The following ROBO1 variants were observed in gnomAD, a reference collection of about 807,000 sequenced individuals.
ROBO1 encodes the protein roundabout homolog 1.
Under a neutral mutation model 195.9 loss-of-function variants are expected in ROBO1, and 149 were observed. The observed-to-expected ratio is 0.76, with a 90% confidence interval of 0.67 to 0.87. The LOEUF is 0.87. Ranked by LOEUF, ROBO1 falls within the 40% of genes least tolerant of loss-of-function variation. The pLI is 0.00. For missense variants in ROBO1, 1,933 were observed against 2,068.3 expected (o/e 0.93, Z 1.27); for synonymous variants, 816 against 733.2 (o/e 1.11, Z -1.82).
chr3:78,800,984 T>C (rs2084353394), intron 4 of ROBO1, among the ~76,000 whole-genome samples: 1 of 152,192 alleles, frequency 6.6e-6, no homozygotes, highest in Non-Finnish European at 1.5e-5. Flanking sequence ...CTATGCTCTT[T>C]CACAGGCTGA....
At chr3:79,039,063 G>A (rs1249958408) in intron 3 of ROBO1, among the ~76,000 whole-genome samples, 3 of 152,154 alleles carry the variant, frequency 2.0e-5, no homozygotes, top group Non-Finnish European at 2.9e-5. Context: ...AAGGAAGAAC[G>A]ATGATTGAAG....
At chr3:78,975,518 C>T (rs2076867869) in intron 3 of ROBO1, among the ~76,000 whole-genome samples, 1 of 151,958 alleles carries the variant, frequency 6.6e-6, no homozygotes, top group South Asian at 2.1e-4. Context: ...TTGTGTAAAC[C>T]TGGGTGACCA....
At chr3:78,630,901 A>G (rs762212586) in intron 25 of ROBO1, among the ~76,000 whole-genome samples, 14 of 152,328 alleles carry the variant, frequency 9.2e-5, no homozygotes, top group Non-Finnish European at 1.9e-4. Flanking sequence ...ATACACACAC[A>G]GGATAGATAC....
chr3:79,214,623 A>G (rs1320374875), intron 2 of ROBO1, among the ~76,000 whole-genome samples: 1 of 151,996 alleles, frequency 6.6e-6, no homozygotes, highest in Non-Finnish European at 1.5e-5. Context: ...ACAAAAAACA[A>G]AAACACTTAG....
At chr3:79,497,895 A>G (rs1202508225) in intron 2 of ROBO1, among the ~76,000 whole-genome samples, 1 of 152,214 alleles carries the variant, frequency 6.6e-6, no homozygotes, top group Non-Finnish European at 1.5e-5. Flanking sequence ...AAAGTGTCTC[A>G]TAGCCATTAA....
intron 2 of ROBO1, among the ~76,000 whole-genome samples, chr3:79,337,993 T>A (rs1259270105): frequency 6.6e-6 from 1 of 152,214 alleles, no homozygotes; most frequent in African/African-American, 2.4e-5. Context: ...TGGGCTATTA[T>A]GCCAAATCAG....
intron 2 of ROBO1, among the ~76,000 whole-genome samples, chr3:79,286,049 A>C (rs1022528086): frequency 1.3e-5 from 2 of 152,230 alleles, no homozygotes; most frequent in Non-Finnish European, 2.9e-5. Flanking sequence ...TAAGTCATTA[A>C]TACTGTAGCA....
chr3:78,639,788 C>A lies in ROBO1; in HGVS notation c.2993G>T (p.Gly998Val), dbSNP rs1190084904. The A allele has an allele frequency of 6.2e-7, 1 of 1,613,426 alleles. No individual in the cohort carries two copies. The highest frequency in any genetic ancestry group is 8.5e-7 in the Non-Finnish European group (1 of 1,179,492). Residue 998 changes from glycine to valine, a missense_variant, in exon 22 of 31, where the codon GGC becomes GTC. By Grantham distance (109) the Gly-to-Val change is moderately radical. This residue lies in a region of ROBO1 where 1,737 missense variants were observed against 1,882.5 expected (regional missense o/e 0.92). Coordinates refer to ENST00000464233, the MANE Select transcript of ROBO1 (RefSeq NM_002941.4). ...GAGGTTGCTGTCGCTGTTTCCATTGCCTGCCGTGCAGCAGCTGATGGAGCA... is the reference window on the plus strand; with the variant it reads ...GAGGTTGCTGTCGCTGTTTCCATTGACTGCCGTGCAGCAGCTGATGGAGCA... ...NDCSISCCTA[G>V]NGNSDSNLTT...
rs376374870 is a variant in ROBO1, at chr3:78,626,148, C to A, written c.3875+1173G>T. On this transcript the variant is annotated intron_variant, in intron 26 of 30. Transcript: ENST00000464233. ...AGGTAAGACAAGGGAACAAAAAAAA[C>A]AATGCTTAGATATTTCAGAGCTAAA... Among the ~76,000 whole-genome samples, 114 of 152,148 alleles carry A rather than the reference C, an allele frequency of 7.5e-4. 1 individual carries two copies. Among genetic ancestry groups the A allele is most frequent in the Admixed American group, 1.1e-3 (17 of 15,278 alleles).
At chr3:79,649,648 G>C (rs1945941136) in intron 1 of ROBO1, among the ~76,000 whole-genome samples, 1 of 152,044 alleles carries the variant, frequency 6.6e-6, no homozygotes, top group African/African-American at 2.4e-5. Context: ...AACTTGAATG[G>C]ATGAAGGAAT....
At chr3:79,662,929 G>T (rs1016674765) in intron 1 of ROBO1, among the ~76,000 whole-genome samples, 2 of 151,840 alleles carry the variant, frequency 1.3e-5, no homozygotes, top group Admixed American at 1.3e-4. Context: ...ATAAACCAAA[G>T]AAAAAATATA....
chr3:78,658,629 A>T (rs56372508), intron 17 of ROBO1, among the ~76,000 whole-genome samples: 38,670 of 152,210 alleles, frequency 0.25, 5,115 homozygotes, highest in African/African-American at 0.32. Context: ...ATATACCATT[A>T]ACTTTAAGTA....
intron 2 of ROBO1, among the ~76,000 whole-genome samples, chr3:79,511,745 AAAG>A (rs1410292171): frequency 6.6e-6 from 1 of 152,162 alleles, no homozygotes; most frequent in Non-Finnish European, 1.5e-5. Context: ...CAGCCATAAA[AAAG>A]AACAAGATCA....
chr3:79,579,939 T>G (rs1943605669), intron 2 of ROBO1, among the ~76,000 whole-genome samples: 1 of 152,094 alleles, frequency 6.6e-6, no homozygotes, highest in African/African-American at 2.4e-5. Context: ...TTCATTGTAT[T>G]AGTGATGCTA....
At chr3:78,947,323 C>T (rs1264941399) in intron 3 of ROBO1, among the ~76,000 whole-genome samples, 1 of 152,176 alleles carries the variant, frequency 6.6e-6, no homozygotes, top group Non-Finnish European at 1.5e-5. Context: ...AACAAACTGT[C>T]TCTCAGACCA....
At chr3:79,543,594 G>A (rs879686068) in intron 2 of ROBO1, among the ~76,000 whole-genome samples, 7 of 152,046 alleles carry the variant, frequency 4.6e-5, no homozygotes, top group Admixed American at 6.6e-5. Flanking sequence ...ATTGATTTAC[G>A]ATTAATGCTG....
At chr3:79,385,825 G>C (rs972076538) in intron 2 of ROBO1, among the ~76,000 whole-genome samples, 1 of 152,082 alleles carries the variant, frequency 6.6e-6, no homozygotes, top group Admixed American at 6.6e-5. Context: ...AATGGAGATA[G>C]TTTCAAGAAA....
At chr3:79,564,913 A>T (rs1943042988) in intron 2 of ROBO1, among the ~76,000 whole-genome samples, 1 of 152,110 alleles carries the variant, frequency 6.6e-6, no homozygotes, top group Admixed American at 6.6e-5. Flanking sequence ...ACTTCATTTG[A>T]TTACCCAGTA....
chr3:79,415,241 A>G (rs756224085), intron 2 of ROBO1, among the ~76,000 whole-genome samples: 1 of 152,204 alleles, frequency 6.6e-6, no homozygotes, highest in African/African-American at 2.4e-5. Flanking sequence ...GTGAAACAAT[A>G]GATGAAGTTC....
Sources: allele counts gnomAD v4.1 joint callset (sites outside exome capture counted in the v4.1 genomes callset), GRCh38; gene constraint gnomAD v4.1.1; regional missense constraint gnomAD v4.1.1; transcripts MANE v1.5; gene names NCBI Gene and HGNC (gene_info 2026-07-23, HGNC 2026-07-21).